ATP9B: variants seen among roughly 807,000 people sequenced by gnomAD.
The protein encoded by ATP9B is ATPase phospholipid transporting 9B.
A neutral mutation model predicts 146.1 loss-of-function variants in ATP9B; 110 were observed. The observed-to-expected ratio is 0.75, with a 90% CI of 0.65 to 0.88. The LOEUF is 0.88. Ranked by LOEUF, ATP9B falls within the 40% of genes least tolerant of loss-of-function variation. The pLI, the probability that ATP9B is intolerant of heterozygous loss-of-function variation, is 0.00. For missense variants in ATP9B, 1,499 were observed against 1,496.4 expected, an observed-to-expected ratio of 1.00 and a Z score of -0.03; for synonymous variants, 604 against 569.7, an observed-to-expected ratio of 1.06 and a Z score of -0.86.
intron 23 of ATP9B, 124 bp downstream of exon 23, chr18:79,345,963 G>GTAC: frequency 1.9e-6 from 2 of 1,064,914 alleles, no homozygotes; most frequent in Non-Finnish European, 2.8e-6. Flanking sequence ...TGTGCTTAGC[G>GTAC]TACGCTCGGT....
chr18:79,120,853 A>C (rs1408375477), intron 4 of ATP9B, among the ~76,000 whole-genome samples: 5 of 152,322 alleles, frequency 3.3e-5, no homozygotes, highest in African/African-American at 1.2e-4. Context: ...TTGATTTTTC[A>C]GTCTTATTTA....
chr18:79,263,030 TCAG>T (rs1456829463), intron 12 of ATP9B, among the ~76,000 whole-genome samples: 1 of 152,266 alleles, frequency 6.6e-6, no homozygotes, highest in Non-Finnish European at 1.5e-5. Context: ...ACAAGCTACT[TCAG>T]CAGCCTTTGA....
intron 8 of ATP9B, among the ~76,000 whole-genome samples, chr18:79,191,700 T>G (rs2095368353): frequency 6.6e-6 from 1 of 152,240 alleles, no homozygotes; most frequent in Admixed American, 6.5e-5. Context: ...GATTTCCTAC[T>G]TGCTTACTCG....
intron 25 of ATP9B, chr18:79,352,814 T>G (rs547920667): frequency 6.6e-6 from 1 of 152,188 alleles, no homozygotes; most frequent in Non-Finnish European, 1.5e-5. Context: ...TCGTGATGCA[T>G]GGAGAATAAA....
intron 12 of ATP9B, among the ~76,000 whole-genome samples, chr18:79,259,682 CTG>C (rs971719272): frequency 7.2e-5 from 11 of 152,302 alleles, no homozygotes; most frequent in Admixed American, 2.0e-4. Flanking sequence ...CCCAAGTGCT[CTG>C]TGCAGTCAGC....
intron 7 of ATP9B, among the ~76,000 whole-genome samples, chr18:79,168,614 A>G (rs2095021703): frequency 6.6e-6 from 1 of 152,212 alleles, no homozygotes; most frequent in Non-Finnish European, 1.5e-5. Context: ...TATTGCAGAT[A>G]GGCCATGACT....
chr18:79,286,746 G>T (rs908159932), intron 13 of ATP9B, among the ~76,000 whole-genome samples: 4 of 152,104 alleles, frequency 2.6e-5, no homozygotes, highest in African/African-American at 9.7e-5. Context: ...TATGATATTG[G>T]CTGTGGGTTT....
Position 79,127,656 on chromosome 18 carries a change from A to G in ATP9B, c.667+1281A>G, listed in dbSNP as rs147790965. Among the ~76,000 whole-genome samples the G allele has an allele frequency of 4.0e-3, 615 of 152,282 alleles. 9 individuals carry two copies. The highest frequency in any genetic ancestry group is 0.014 in the African/African-American group (593 of 41,564). Reference sequence around the variant, plus strand: ...TTCTACTTTGTGACCGTTGTGAATAATGCAGCTATGGACATTTGTGTACAA... The same window carrying G: ...TTCTACTTTGTGACCGTTGTGAATAGTGCAGCTATGGACATTTGTGTACAA... On this transcript the variant is annotated intron_variant, in intron 5 of 29. Coordinates refer to ENST00000426216, the MANE Select transcript of ATP9B (RefSeq NM_198531.5).
At position 79,290,599 on chromosome 18, in the gene ATP9B, C is replaced by T. The variant is rs147488515; in HGVS notation, c.1412-13005C>T. On this transcript the variant is annotated intron_variant, in intron 13 of 29. Coordinates refer to ENST00000426216, the MANE Select transcript of ATP9B (RefSeq NM_198531.5). Reference sequence around the variant, plus strand: ...GGCAATGCCTCGCCCTGCTTCGGCTCGCGCAACATGCGCTGCACCCACTGT... The same window carrying T: ...GGCAATGCCTCGCCCTGCTTCGGCTTGCGCAACATGCGCTGCACCCACTGT... 5.8e-3 allele frequency among the ~76,000 whole-genome samples: 882 copies of T among 152,346 alleles called. 4 individuals carry two copies. Among genetic ancestry groups the T allele is most frequent in the Non-Finnish European group, 7.6e-3 (518 of 68,026 alleles).
At chr18:79,360,644 G>T (rs2096982507) in intron 26 of ATP9B, 2 of 152,084 alleles carry the variant, frequency 1.3e-5, no homozygotes. Flanking sequence ...TTAACTTTTT[G>T]ATTTCTTGAT....
rs1203069346 is a variant in ATP9B at position 79,207,200 on chromosome 18, A to G, written c.1030+188A>G. Among the ~76,000 whole-genome samples, 5 of 152,192 alleles carry G rather than the reference A, an allele frequency of 3.3e-5. No individual in the cohort carries two copies. The East Asian group carries it at 9.7e-4, about 29-fold the overall frequency. On this transcript the variant is annotated intron_variant, in intron 10 of 29. Coordinates refer to ENST00000426216, the MANE Select transcript of ATP9B (RefSeq NM_198531.5). ...TGTGGTGAGGCTTGTGCTGCTCCTCAGACACTGCACGTGGTTCGCAAGGCC... is the reference window on the plus strand; with the variant it reads ...TGTGGTGAGGCTTGTGCTGCTCCTCGGACACTGCACGTGGTTCGCAAGGCC...
chr18:79,293,704 G>A (rs2096527797), intron 13 of ATP9B, among the ~76,000 whole-genome samples: 1 of 152,190 alleles, frequency 6.6e-6, no homozygotes, highest in Non-Finnish European at 1.5e-5. Flanking sequence ...AATGGACTAA[G>A]ACAGTTCTCC....
intron 7 of ATP9B, among the ~76,000 whole-genome samples, chr18:79,166,670 G>C (rs548102105): frequency 2.0e-5 from 3 of 152,116 alleles, no homozygotes; most frequent in Non-Finnish European, 4.4e-5. Flanking sequence ...GATGAAGCTT[G>C]GAAGTCCAAC....
At chr18:79,303,497 C>CGA in intron 13 of ATP9B, 107 bp from the exon 14 acceptor site, 1 of 777,636 alleles carries the variant, frequency 1.3e-6, no homozygotes, top group African/African-American at 1.7e-5. Flanking sequence ...TTGGGCATCC[C>CGA]AGCTGCTTCA....
chr18:79,127,327 C>CT (rs2094303574), intron 5 of ATP9B, among the ~76,000 whole-genome samples: 1 of 152,070 alleles, frequency 6.6e-6, no homozygotes, highest in Non-Finnish European at 1.5e-5. Context: ...AGAAGGAGCC[C>CT]TGAATACATG....
chr18:79,337,024 C>A (rs117354171), intron 18 of ATP9B, among the ~76,000 whole-genome samples: 2 of 152,014 alleles, frequency 1.3e-5, no homozygotes, highest in African/African-American at 4.8e-5. Context: ...GGCGCCTCCC[C>A]CTCTGTCCCC....
At chr18:79,244,413 A>G (rs1478893958) in intron 11 of ATP9B, among the ~76,000 whole-genome samples, 1 of 152,208 alleles carries the variant, frequency 6.6e-6, no homozygotes, top group African/African-American at 2.4e-5. Context: ...CACATTCTGA[A>G]CACTAGAAAC....
intron 26 of ATP9B, chr18:79,363,727 A>T (rs575475690): frequency 1.3e-5 from 2 of 152,352 alleles, no homozygotes; most frequent in South Asian, 4.1e-4. Context: ...GAGAGGCGTA[A>T]GCAGATGTTC....
intron 15 of ATP9B, among the ~76,000 whole-genome samples, chr18:79,325,262 G>C (rs1218355569): frequency 6.6e-6 from 1 of 152,138 alleles, no homozygotes; most frequent in African/African-American, 2.4e-5. Context: ...TTGAGAAAAG[G>C]TGTCTGACTC....
Sources: gnomAD v4.1 joint callset for allele counts (sites outside exome capture counted in the v4.1 genomes callset) on GRCh38, gnomAD v4.1.1 for gene constraint, MANE v1.5 for transcripts, NCBI Gene and HGNC (gene_info 2026-07-23, HGNC 2026-07-21) for gene names.